Variants in IL1RAPL1 observed in about 807,000 individuals in gnomAD.
IL1RAPL1 encodes interleukin-1 receptor accessory protein-like 1.
IL1RAPL1 carries 3 observed loss-of-function variants against 48.4 expected under a neutral mutation model. That is an observed-to-expected ratio of 0.06 (90% confidence interval 0.03 to 0.16). IL1RAPL1 has a LOEUF of 0.16. Ranked by LOEUF, IL1RAPL1 falls within the 10% of genes least tolerant of loss-of-function variation. IL1RAPL1 has a pLI of 1.00. For missense variants in IL1RAPL1, 349 were observed against 530.6 expected, an observed-to-expected ratio of 0.66 and a Z score of 3.36; for synonymous variants, 185 against 187.7, an observed-to-expected ratio of 0.99 and a Z score of 0.12.
intron 2 of IL1RAPL1, among the ~76,000 whole-genome samples, chrX:29,256,736 G>A (rs1036475018): frequency 9.0e-6 from 1 of 111,303 alleles, no homozygotes; most frequent in Non-Finnish European, 1.9e-5. Context: ...TGGTGGTGAT[G>A]ATAATTATGG....
chrX:29,803,467 A>ACATC (rs1403099585), intron 6 of IL1RAPL1, among the ~76,000 whole-genome samples: 27 of 98,117 alleles, frequency 2.8e-4, no homozygotes, highest in Admixed American at 2.3e-3. Flanking sequence ...ATATATGTAT[A>ACATC]TATGTATACA....
intron 1 of IL1RAPL1, among the ~76,000 whole-genome samples, chrX:28,676,974 TAATA>T (rs1184408731): frequency 3.6e-5 from 4 of 111,432 alleles, no homozygotes; most frequent in Admixed American, 1.9e-4. Flanking sequence ...GCTACACAGC[TAATA>T]AATAGTGTAT....
chrX:29,323,711 TTTTATATATATATATATATATA>T (rs1932820210), intron 3 of IL1RAPL1, among the ~76,000 whole-genome samples: 4 of 12,766 alleles, frequency 3.1e-4, no homozygotes, highest in African/African-American at 1.1e-3. Flanking sequence ...ATACTGAATT[TTTTATATATATATATATATATA>T]TATATATATA....
chrX:28,702,344 A>G (rs939525469), intron 1 of IL1RAPL1, among the ~76,000 whole-genome samples: 5 of 112,130 alleles, frequency 4.5e-5, no homozygotes, highest in African/African-American at 1.3e-4. Flanking sequence ...TTTAAATACA[A>G]TTGTAAAAAT....
At chrX:29,677,686 C>T (rs1458092798) in intron 6 of IL1RAPL1, among the ~76,000 whole-genome samples, 1 of 111,793 alleles carries the variant, frequency 8.9e-6, no homozygotes, top group African/African-American at 3.3e-5. Flanking sequence ...GTGTGACCTC[C>T]CGTTGTTTAT....
chrX:29,881,255 C>T (rs1932025061), intron 6 of IL1RAPL1, among the ~76,000 whole-genome samples: 1 of 110,988 alleles, frequency 9.0e-6, no homozygotes, highest in Non-Finnish European at 1.9e-5. Flanking sequence ...CTGACACCAC[C>T]AAGCTGTCAG....
intron 3 of IL1RAPL1, among the ~76,000 whole-genome samples, chrX:29,299,958 G>C (rs1932506855): frequency 9.0e-6 from 1 of 111,140 alleles, no homozygotes; most frequent in Non-Finnish European, 1.9e-5. Context: ...AGGAGAGCTG[G>C]TGCTTTAAAA....
chrX:29,078,559 A>G (rs1007537819), intron 2 of IL1RAPL1, among the ~76,000 whole-genome samples: 1 of 112,205 alleles, frequency 8.9e-6, no homozygotes, highest in African/African-American at 3.2e-5. Context: ...TAAATTAGCT[A>G]TTACGTAGGT....
At chrX:29,731,605 T>C (rs758494569) in intron 6 of IL1RAPL1, among the ~76,000 whole-genome samples, 31 of 112,230 alleles carry the variant, frequency 2.8e-4, no homozygotes, top group African/African-American at 9.4e-4. Flanking sequence ...CTAATAAACT[T>C]ACCTTTCTCA....
chrX:28,967,678 C>T (rs1924953613), intron 2 of IL1RAPL1, among the ~76,000 whole-genome samples: 1 of 111,587 alleles, frequency 9.0e-6, no homozygotes, highest in Admixed American at 9.6e-5. Flanking sequence ...TTGCACATCC[C>T]AACTTCTAAC....
chrX:29,373,041 T>A (rs1224686099), intron 3 of IL1RAPL1, among the ~76,000 whole-genome samples: 1 of 111,436 alleles, frequency 9.0e-6, no homozygotes, highest in Non-Finnish European at 1.9e-5. Flanking sequence ...CAATATTGAT[T>A]CTTCCAATCC....
chrX:28,752,112 C>A (rs933460076), intron 1 of IL1RAPL1, among the ~76,000 whole-genome samples: 1 of 111,961 alleles, frequency 8.9e-6, no homozygotes, highest in Admixed American at 9.5e-5. Flanking sequence ...TTTAAAATAA[C>A]TTTTATTTTT....
At chrX:29,601,913 A>T (rs1443262350) in intron 5 of IL1RAPL1, among the ~76,000 whole-genome samples, 2 of 112,444 alleles carry the variant, frequency 1.8e-5, no homozygotes, top group Non-Finnish European at 3.8e-5. Context: ...ATGCAAACCT[A>T]GAATTTGGTT....
chrX:28,951,101 A>C (rs1353171902), intron 2 of IL1RAPL1, among the ~76,000 whole-genome samples: 107 of 76,628 alleles, frequency 1.4e-3, no homozygotes, highest in African/African-American at 5.3e-3. Flanking sequence ...GAAGGGGAAC[A>C]TCACACTCTG....
chrX:29,158,910 TTC>T (rs200150150), intron 2 of IL1RAPL1, among the ~76,000 whole-genome samples: 51 of 84,398 alleles, frequency 6.0e-4, no homozygotes, highest in African/African-American at 1.5e-3. Context: ...TTCTTTTCTT[TTC>T]TCTCTCTCTC....
chrX:29,738,659 C>T (rs949466129), intron 6 of IL1RAPL1, among the ~76,000 whole-genome samples: 3 of 110,008 alleles, frequency 2.7e-5, no homozygotes, highest in African/African-American at 9.9e-5. Flanking sequence ...AGGCTGGTCT[C>T]GAACTCCTGG....
At chrX:29,637,270 T>C (rs1602339218) in intron 5 of IL1RAPL1, among the ~76,000 whole-genome samples, 1 of 94,129 alleles carries the variant, frequency 1.1e-5, no homozygotes, top group East Asian at 3.2e-4. Flanking sequence ...TCTCTTATGT[T>C]ATATATATAA....
intron 2 of IL1RAPL1, among the ~76,000 whole-genome samples, chrX:29,036,875 A>C: frequency 9.0e-6 from 1 of 111,642 alleles, no homozygotes; most frequent in Non-Finnish European, 1.9e-5. Flanking sequence ...CCTGTCCTAT[A>C]AATTTGAACC....
At chrX:29,845,571 G>T (rs1282367997) in intron 6 of IL1RAPL1, among the ~76,000 whole-genome samples, 1 of 111,738 alleles carries the variant, frequency 8.9e-6, no homozygotes, top group Non-Finnish European at 1.9e-5. Context: ...TTGAATTCTG[G>T]TGAGCTCCAT....
Sources: allele counts gnomAD v4.1 joint callset (sites outside exome capture counted in the v4.1 genomes callset), GRCh38; gene constraint gnomAD v4.1.1; transcripts MANE v1.5; gene names NCBI Gene and HGNC (gene_info 2026-07-23, HGNC 2026-07-21).